The following CCDC146 variants were observed in gnomAD, a reference collection of about 807,000 sequenced individuals.
CCDC146 encodes coiled-coil domain-containing protein 146.
In CCDC146, 92 loss-of-function variants were observed where a neutral mutation model predicts 119.3. That is an observed-to-expected ratio of 0.77 (90% confidence interval 0.65 to 0.92). CCDC146 has a LOEUF of 0.92. Among genes scored for constraint, CCDC146 ranks in the 40% least tolerant of loss-of-function variants. The probability of loss-of-function intolerance (pLI) is 0.00; values close to 1 mark genes in which losing one functional copy is unlikely to be tolerated. For synonymous variants in CCDC146, 372 were observed against 371.8 expected (o/e 1.00, Z -0.01); for missense variants, 1,000 against 1,103.0 (o/e 0.91, Z 1.32).
intron 2 of CCDC146, among the ~76,000 whole-genome samples, chr7:77,231,550 G>A (rs539820447): frequency 3.9e-5 from 6 of 151,994 alleles, no homozygotes; most frequent in Admixed American, 2.0e-4. Flanking sequence ...CAAGTTTACC[G>A]ATTGATTCTT....
At chr7:77,207,691 T>C (rs189163500) in intron 2 of CCDC146, among the ~76,000 whole-genome samples, 67 of 152,328 alleles carry the variant, frequency 4.4e-4, no homozygotes, top group African/African-American at 1.4e-3. Flanking sequence ...TTCCAGTAAC[T>C]TTCTTGCCAC....
chr7:77,265,944 A>G (rs1289480104), intron 9 of CCDC146, among the ~76,000 whole-genome samples: 1 of 152,236 alleles, frequency 6.6e-6, no homozygotes, highest in Non-Finnish European at 1.5e-5. Context: ...TTTAATGACC[A>G]TGTGTGTTGG....
intron 2 of CCDC146, among the ~76,000 whole-genome samples, chr7:77,188,297 G>A (rs564644435): frequency 1.7e-4 from 26 of 152,038 alleles, no homozygotes; most frequent in African/African-American, 5.5e-4. Context: ...ATCTCATGTA[G>A]CGCATAAATA....
intron 2 of CCDC146, among the ~76,000 whole-genome samples, chr7:77,204,792 G>T (rs985553286): frequency 1.3e-5 from 2 of 152,256 alleles, no homozygotes; most frequent in East Asian, 3.9e-4. Flanking sequence ...CTAATTTACT[G>T]TCATTTCCCT....
intron 9 of CCDC146, among the ~76,000 whole-genome samples, chr7:77,272,575 C>A (rs1017076355): frequency 6.6e-6 from 1 of 152,164 alleles, no homozygotes; most frequent in Non-Finnish European, 1.5e-5. Context: ...TGAACCACAT[C>A]AGATTGGAGT....
chr7:77,285,160 AC>A (rs1793827143), intron 15 of CCDC146, among the ~76,000 whole-genome samples: 1 of 152,142 alleles, frequency 6.6e-6, no homozygotes, highest in African/African-American at 2.4e-5. Flanking sequence ...AGTTATATGA[AC>A]TATTTTGGGA....
intron 2 of CCDC146, among the ~76,000 whole-genome samples, chr7:77,229,662 T>C (rs987599200): frequency 1.3e-5 from 2 of 152,112 alleles, no homozygotes; most frequent in African/African-American, 4.8e-5. Context: ...TGGACAAAGC[T>C]AGGGAAAAAA....
chr7:77,192,823 TGA>T (rs756011970), intron 2 of CCDC146, among the ~76,000 whole-genome samples: 1 of 151,828 alleles, frequency 6.6e-6, no homozygotes, highest in Non-Finnish European at 1.5e-5. Flanking sequence ...CTCAGGAGGC[TGA>T]GAGAGGAGAA....
Position 77,196,760 on chromosome 7 carries a change from C to T in CCDC146, c.156+28936C>T, listed in dbSNP as rs1562829741. On this transcript the variant is annotated intron_variant, in intron 2 of 18. Coordinates refer to ENST00000285871, the MANE Select transcript of CCDC146 (RefSeq NM_020879.3). This position sits in a 1 kb window ranked among gnomAD's most constrained non-coding sequence, Gnocchi z 4.2. Reference sequence around the variant, plus strand: ...TTTATCGTTCCCCAGCCAAAATTCCCTTCTGAGGTTTCCAAAGCCTGCTTT... The same window carrying T: ...TTTATCGTTCCCCAGCCAAAATTCCTTTCTGAGGTTTCCAAAGCCTGCTTT... 1.9e-5 allele frequency: 31 copies of T among 1,614,096 alleles called. No individual in the cohort carries two copies. The highest frequency in any genetic ancestry group is 2.5e-5 in the Non-Finnish European group (29 of 1,180,010).
chr7:77,223,695 C>G (rs961169714), intron 2 of CCDC146, among the ~76,000 whole-genome samples: 1 of 152,206 alleles, frequency 6.6e-6, no homozygotes, highest in African/African-American at 2.4e-5. Context: ...ATTCTTTTAA[C>G]TGCATCATTG....
chr7:77,267,245 G>A (rs1413300109), intron 9 of CCDC146, among the ~76,000 whole-genome samples: 7 of 151,964 alleles, frequency 4.6e-5, no homozygotes, highest in Non-Finnish European at 7.4e-5. Flanking sequence ...CACCTGCCTC[G>A]GCCTCCCAAA....
rs558252278 is a variant in CCDC146, at chr7:77,173,488, G to A, written c.156+5664G>A. On this transcript the variant is annotated intron_variant, in intron 2 of 18. Coordinates refer to ENST00000285871, the MANE Select transcript of CCDC146 (RefSeq NM_020879.3). ...TACTAAAAATACAAAAATTAGCCAG[G>A]TGTGGTGGTGCATGCCTGTAATCCC... Among the ~76,000 whole-genome samples the A allele has an allele frequency of 5.9e-4, 89 of 151,964 alleles. 3 individuals carry two copies. The South Asian group carries it at 6.4e-3, about 11-fold the overall frequency.
chr7:77,251,754 G>A (rs901020550), intron 4 of CCDC146, among the ~76,000 whole-genome samples: 1 of 152,144 alleles, frequency 6.6e-6, no homozygotes, highest in Admixed American at 6.5e-5. Flanking sequence ...AGTCTCTTTT[G>A]CTCGCTCGCT....
chr7:77,196,259 G>T lies in CCDC146; in HGVS notation c.156+28435G>T. On this transcript the variant is annotated intron_variant, in intron 2 of 18. Coordinates refer to ENST00000285871, the MANE Select transcript of CCDC146 (RefSeq NM_020879.3). This position sits in a 1 kb window ranked among gnomAD's most constrained non-coding sequence, Gnocchi z 4.2. The stretch of plus-strand genomic sequence containing the variant: ...TTGCCCTATTAGATAACGAATACCT[G>T]GAGGAATGAACAGAGTGATTTATGG... 6.4e-7 allele frequency: 1 copy of T among 1,563,378 alleles called. No individual in the cohort carries two copies. The highest frequency in any genetic ancestry group is 8.8e-7 in the Non-Finnish European group (1 of 1,142,278).
intron 2 of CCDC146, among the ~76,000 whole-genome samples, chr7:77,220,299 G>A (rs117296956): frequency 0.012 from 1,806 of 152,244 alleles, 12 homozygotes; most frequent in Non-Finnish European, 0.02. Flanking sequence ...GCCTGGCCCC[G>A]CAGGCAGTCA....
intron 1 of CCDC146, among the ~76,000 whole-genome samples, chr7:77,155,323 G>A: frequency 6.6e-6 from 1 of 151,958 alleles, no homozygotes. Flanking sequence ...AATAATTGCT[G>A]CTCAACAATA....
chr7:77,270,352 G>A (rs905432260), intron 9 of CCDC146, among the ~76,000 whole-genome samples: 9 of 148,844 alleles, frequency 6.0e-5, no homozygotes, highest in Non-Finnish European at 5.9e-5. Context: ...ACACATTTCT[G>A]TTGTTTGGTC....
intron 9 of CCDC146, among the ~76,000 whole-genome samples, chr7:77,271,513 G>GATAT (rs56661430): frequency 2.9e-4 from 21 of 71,348 alleles, no homozygotes; most frequent in African/African-American, 4.3e-4. Context: ...ACTAATAGGA[G>GATAT]ATATATATAT....
Position 77,273,738 on chromosome 7 carries a change from G to GA in CCDC146, c.1218_1219insA (p.Arg407ThrfsTer8). On this transcript the variant is annotated frameshift_variant, in exon 10 of 19. Coordinates refer to ENST00000285871, the MANE Select transcript of CCDC146 (RefSeq NM_020879.3). LOFTEE classifies it high-confidence loss of function. ...ATGATTCTACATTATCTGAGAGAAGGCGAGAGCTTCACAAGGAAGTTGAAG... is the reference window on the plus strand; with the variant it reads ...ATGATTCTACATTATCTGAGAGAAGGACGAGAGCTTCACAAGGAAGTTGAAG... 6.2e-7 allele frequency: 1 copy of GA among 1,610,426 alleles called. No homozygotes were observed. The highest frequency in any genetic ancestry group is 8.5e-7 in the Non-Finnish European group (1 of 1,177,696).
Sources: gnomAD v4.1 joint callset for allele counts (sites outside exome capture counted in the v4.1 genomes callset) on GRCh38, gnomAD v4.1.1 for gene constraint, Gnocchi (gnomAD v3.1) non-coding constraint, MANE v1.5 for transcripts, NCBI Gene and HGNC (gene_info 2026-07-23, HGNC 2026-07-21) for gene names.